Variants in TIMD4 observed in about 807,000 individuals in gnomAD.
The protein encoded by TIMD4 is T cell immunoglobulin and mucin domain containing 4.
Under a neutral mutation model 41.2 loss-of-function variants are expected in TIMD4, and 31 were observed. The ratio of observed to expected loss-of-function variants is 0.75; its 90% CI spans 0.57 to 1.01. The LOEUF is 1.01. TIMD4 is among the 50% of genes least tolerant of loss of function. The pLI is 0.00. For synonymous variants in TIMD4, 204 were observed against 177.1 expected, an observed-to-expected ratio of 1.15 and a Z score of -1.21; for missense variants, 479 against 472.5, an observed-to-expected ratio of 1.01 and a Z score of -0.13.
chr5:156,943,298 G>T (rs140300194), intron 5 of TIMD4, among the ~76,000 whole-genome samples: 139 of 152,252 alleles, frequency 9.1e-4, no homozygotes, highest in African/African-American at 3.2e-3. Context: ...TTTTTCTCAT[G>T]CATTTTCTCA....
chr5:156,927,578 G>A (rs925257538), intron 5 of TIMD4, among the ~76,000 whole-genome samples: 1 of 152,294 alleles, frequency 6.6e-6, no homozygotes, highest in South Asian at 2.1e-4. Flanking sequence ...GAGGATAAGG[G>A]AAGAGCCAAG....
At chr5:156,939,707 G>A (rs1391578789) in intron 5 of TIMD4, among the ~76,000 whole-genome samples, 1 of 152,116 alleles carries the variant, frequency 6.6e-6, no homozygotes, top group Non-Finnish European at 1.5e-5. Flanking sequence ...CAGAGAATTA[G>A]CCGTCCTTCA....
rs143229828 is a variant in TIMD4, at chr5:156,951,573, C to A, written c.618G>T (p.Pro206=). The change falls in exon 3 of 9, where the codon CCG becomes CCT. Residue 206 remains proline (P), a synonymous_variant. Coordinates refer to ENST00000274532, the MANE Select transcript of TIMD4 (RefSeq NM_138379.3). ...TCLSLTPSTL[P]EEATGLLTPE... ...GAGTCAGAAGACCTGTGGCTTCCTC[C>A]GGAAGGGTGCTTGGGGTTAGTGAAA... The A allele has an allele frequency of 3.1e-6, 5 of 1,614,084 alleles. No individual in the cohort carries two copies. Among genetic ancestry groups the A allele is most frequent in the Non-Finnish European group, 3.4e-6 (4 of 1,180,036 alleles).
Position 156,957,995 on chromosome 5 carries a change from CG to C in TIMD4, c.59-3240del, listed in dbSNP as rs532491820. Reference sequence around the variant, plus strand: ...ATTGCTAAATAAGAAAAGATCTGGCCGGGCGCGGTGGCTCACACCTGTAATC... The same window carrying C: ...ATTGCTAAATAAGAAAAGATCTGGCCGGCGCGGTGGCTCACACCTGTAATC... On this transcript the variant is annotated intron_variant, in intron 1 of 8. Transcript: ENST00000274532. 6.9e-4 allele frequency among the ~76,000 whole-genome samples: 105 copies of C among 152,106 alleles called. 1 individual carries two copies. The highest frequency in any genetic ancestry group is 2.4e-3 in the African/African-American group (99 of 41,510).
At chr5:156,943,274 T>C (rs920330888) in intron 5 of TIMD4, among the ~76,000 whole-genome samples, 2 of 152,192 alleles carry the variant, frequency 1.3e-5, no homozygotes, top group Non-Finnish European at 2.9e-5. Context: ...AAGCCAGTAA[T>C]TATGTACTAG....
intron 6 of TIMD4, among the ~76,000 whole-genome samples, chr5:156,925,004 A>AAG (rs139087161): frequency 1.8e-4 from 27 of 151,726 alleles, no homozygotes; most frequent in Middle Eastern, 3.4e-3. Flanking sequence ...AAAAAAGAAA[A>AAG]AGAGAGAGAG....
At chr5:156,955,963 TAAC>T (rs1759962885) in intron 1 of TIMD4, among the ~76,000 whole-genome samples, 1 of 152,220 alleles carries the variant, frequency 6.6e-6, no homozygotes, top group Non-Finnish European at 1.5e-5. Context: ...CTTACCAACT[TAAC>T]AAACTTTTGT....
At position 156,948,515 on chromosome 5, in the gene TIMD4, G is replaced by T; in HGVS notation, c.761-16C>A. ...ACTTTGGACTCTTTGGAAAAACAAA[G>T]GAAAACAGAAAACAGACTTAGGTAA... On this transcript the variant is annotated splice_polypyrimidine_tract_variant and intron_variant, in intron 4 of 8. Transcript: ENST00000274532. 1 of 1,523,838 alleles carries T rather than the reference G, an allele frequency of 6.6e-7. No individual in the cohort carries two copies. 94.4% of individuals were successfully genotyped at this position (1,523,838 alleles called of 1,614,324 possible). A position where few individuals can be genotyped will look rare whatever the true frequency, so the allele number is the denominator to read the frequency against.
intron 5 of TIMD4, among the ~76,000 whole-genome samples, chr5:156,934,430 G>GT (rs1561546971): frequency 6.6e-6 from 1 of 151,624 alleles, no homozygotes; most frequent in Admixed American, 6.6e-5. Flanking sequence ...TAGTGTGTGT[G>GT]GTTTTTTTTG....
At chr5:156,941,199 C>T (rs1581622165) in intron 5 of TIMD4, among the ~76,000 whole-genome samples, 1 of 152,040 alleles carries the variant, frequency 6.6e-6, no homozygotes, top group Non-Finnish European at 1.5e-5. Flanking sequence ...GGGTCCTCTG[C>T]CTAGGAAAAC....
intron 5 of TIMD4, among the ~76,000 whole-genome samples, chr5:156,938,779 C>T (rs1368130914): frequency 6.6e-6 from 1 of 152,194 alleles, no homozygotes; most frequent in African/African-American, 2.4e-5. Flanking sequence ...GGAGTCCGCC[C>T]ACAGAGCTCA....
At chr5:156,938,853 T>C (rs957505970) in intron 5 of TIMD4, among the ~76,000 whole-genome samples, 8 of 152,200 alleles carry the variant, frequency 5.3e-5, no homozygotes, top group Non-Finnish European at 1.2e-4. Context: ...AATGCCTCAT[T>C]CCAGAATTTC....
rs756150947 is a variant in TIMD4, at chr5:156,922,153, C to T, written c.958G>A (p.Ala320Thr). ...MPISQLLMII[A>T]PSLGFVLFAL... is the part of the protein sequence containing the mutation. ...AAGAGCACAAATCCCAAGGAGGGGG[C>T]GATGATCATCAGTAGTTGGGAGATG... The change falls in exon 7 of 9, where the codon GCC (alanine) becomes ACC (threonine). Residue 320 changes from alanine to threonine, a missense_variant. By Grantham distance (58) the Ala-to-Thr change is moderately conservative (BLOSUM62 0). Coordinates refer to ENST00000274532, the MANE Select transcript of TIMD4 (RefSeq NM_138379.3). 33 of 1,613,820 alleles carry T rather than the reference C, an allele frequency of 2.0e-5. No individual in the cohort carries two copies. Among genetic ancestry groups the T allele is most frequent in the Middle Eastern group, 1.6e-4 (1 of 6,076 alleles).
At chr5:156,929,113 C>T (rs1759402857) in intron 5 of TIMD4, among the ~76,000 whole-genome samples, 1 of 152,168 alleles carries the variant, frequency 6.6e-6, no homozygotes, top group Admixed American at 6.5e-5. Context: ...GTGTCATACA[C>T]AGAATGGCAA....
In TIMD4 at chr5:156,954,449, A is replaced by G. The variant is rs773192900; in HGVS notation, c.366T>C (p.Asp122=). The change falls in exon 2 of 9, where the codon GAT becomes GAC. Residue 122 remains aspartate, a synonymous_variant. Transcript: ENST00000274532. Reference sequence around the variant, plus strand: ...GATTCAGGCGCACGTTTATCTTTACATCGTTGAACCAGCCAGGCACTTCTA... The same window carrying G: ...GATTCAGGCGCACGTTTATCTTTACGTCGTTGAACCAGCCAGGCACTTCTA... ...CRIEVPGWFN[D]VKINVRLNLQ... 32 of 1,613,992 alleles carry G rather than the reference A, an allele frequency of 2.0e-5. No individual in the cohort carries two copies. The highest frequency in any genetic ancestry group is 3.3e-5 in the Admixed American group (2 of 59,994).
At chr5:156,949,807 A>C (rs1759819508) in intron 3 of TIMD4, 76 bp from the exon 4 acceptor site, 1 of 892,232 alleles carries the variant, frequency 1.1e-6, no homozygotes, top group Non-Finnish European at 1.8e-6. Flanking sequence ...GGGATTTGGG[A>C]TTATCTTTTT....
At position 156,954,654 on chromosome 5, in the gene TIMD4, C is replaced by A. The variant is rs1280735395; in HGVS notation, c.161G>T (p.Trp54Leu). Residue 54 changes from tryptophan (W) to leucine (L), a missense_variant, in exon 2 of 9, where the codon TGG becomes TTG. Physicochemically the swap from Trp to Leu is moderately conservative, Grantham distance 61. Transcript: ENST00000274532. ...GGAGTAGGGGCACTGGTCTTTCCCCCAGCACATGCTGTTGCTGTTGTGAGA... is the reference window on the plus strand; with the variant it reads ...GGAGTAGGGGCACTGGTCTTTCCCCAAGCACATGCTGTTGCTGTTGTGAGA... ...SWSHNSNSMCWGKDQCPYSGC... is the reference protein window; with the variant it reads ...SWSHNSNSMCLGKDQCPYSGC... 6.2e-7 allele frequency: 1 copy of A among 1,614,232 alleles called. No homozygotes were observed.
intron 5 of TIMD4, among the ~76,000 whole-genome samples, chr5:156,939,505 T>C (rs1229615882): frequency 6.6e-6 from 1 of 152,206 alleles, no homozygotes; most frequent in Non-Finnish European, 1.5e-5. Context: ...AGTAATTATT[T>C]TGACCAGATA....
rs913864363 is a variant in TIMD4 at position 156,954,320 on chromosome 5, G to C, written c.400+95C>G. The C allele has an allele frequency of 1.6e-5, 19 of 1,200,070 alleles. No individual in the cohort carries two copies. The African/African-American group carries it at 2.0e-4, about 13-fold the overall frequency. 74.3% of individuals were successfully genotyped at this position (1,200,070 alleles called of 1,614,324 possible). A position where few individuals can be genotyped will look rare whatever the true frequency, so the allele number is the denominator to read the frequency against. ...TTCAATCTTCCCACTCACTGTGAAA[G>C]CAACTCTAACCTCTTCACCACCATC... On this transcript the variant is annotated intron_variant, in intron 2 of 8. Coordinates refer to ENST00000274532, the MANE Select transcript of TIMD4 (RefSeq NM_138379.3).
Sources: gnomAD v4.1 joint callset for allele counts (sites outside exome capture counted in the v4.1 genomes callset) on GRCh38, gnomAD v4.1.1 for gene constraint, MANE v1.5 for transcripts, NCBI Gene and HGNC (gene_info 2026-07-23, HGNC 2026-07-21) for gene names.